Variants in ARL1 observed in about 807,000 individuals in gnomAD.
ARL1 encodes the protein ADP-ribosylation factor-like protein 1.
Under a neutral mutation model 30.1 loss-of-function variants are expected in ARL1, and 17 were observed. That is an observed-to-expected ratio of 0.56 (90% CI 0.39 to 0.85). The LOEUF (loss-of-function observed/expected upper bound fraction) is 0.85. Among genes scored for constraint, ARL1 ranks in the 40% least tolerant of loss-of-function variants. The pLI is 0.00. For missense variants in ARL1, 102 were observed against 212.6 expected (o/e 0.48, Z 3.24); for synonymous variants, 58 against 71.7 (o/e 0.81, Z 0.97).
Position 101,405,831 on chromosome 12 carries a change from T to C in ARL1, c.142+13A>G. ...GAAAGTCCCTACAATTAGCTCATCA[T>C]ACCAACACTTACTAGGTATAGTAGT... is the stretch of plus-strand genomic sequence containing the variant. On this transcript the variant is annotated intron_variant, in intron 2 of 5. Coordinates refer to ENST00000261636, the MANE Select transcript of ARL1 (RefSeq NM_001177.6). 1 of 1,545,324 alleles carries C rather than the reference T, an allele frequency of 6.5e-7. No homozygotes were observed. The highest frequency in any genetic ancestry group is 1.2e-5 in the South Asian group (1 of 80,426).
Position 101,402,963 on chromosome 12 carries a change from A to C in ARL1, c.143-17T>G. ...ATCCAATGGCTGGAAGAGAAATCAA[A>C]TCAGTGGTATGTGTAGACTAATACA... On this transcript the variant is annotated splice_polypyrimidine_tract_variant and intron_variant, in intron 2 of 5. Coordinates refer to ENST00000261636, the MANE Select transcript of ARL1 (RefSeq NM_001177.6). The C allele has an allele frequency of 6.3e-7, 1 of 1,589,522 alleles. No homozygotes were observed. Among genetic ancestry groups the C allele is most frequent in the Non-Finnish European group, 8.6e-7 (1 of 1,158,280 alleles).
In ARL1 at chr12:101,401,065, C is replaced by T; in HGVS notation, c.333G>A (p.Leu111=). The T allele has an allele frequency of 6.2e-7, 1 of 1,610,312 alleles. No homozygotes were observed. The highest frequency in any genetic ancestry group is 8.5e-7 in the Non-Finnish European group (1 of 1,176,672). The change falls in exon 4 of 6, where the codon TTG becomes TTA. Residue 111 remains leucine (L), a synonymous_variant. Transcript: ENST00000261636. The part of the protein sequence containing the change: ...GISKSELVAM[L]EEEELRKAIL... ...TAAAGTGGTTACGTTTTCTTACCTC[C>T]AACATGGCAACTAACTCTGATTTGG...
At chr12:101,397,458 C>T (rs952652055) in intron 4 of ARL1, among the ~76,000 whole-genome samples, 3 of 151,704 alleles carry the variant, frequency 2.0e-5, no homozygotes, top group African/African-American at 7.3e-5. Flanking sequence ...GGTTGTGCCA[C>T]TGCACTCCAG....
At chr12:101,406,839 G>A (rs758597176) in intron 1 of ARL1, among the ~76,000 whole-genome samples, 1 of 152,156 alleles carries the variant, frequency 6.6e-6, no homozygotes, top group Non-Finnish European at 1.5e-5. Flanking sequence ...AACTGAAGGC[G>A]GTTATGGAAG....
intron 2 of ARL1, 126 bp downstream of exon 2, chr12:101,405,718 C>T (rs1871421745): frequency 9.5e-7 from 1 of 1,048,736 alleles, no homozygotes; most frequent in Non-Finnish European, 1.3e-6. Context: ...GAGTCTAAGA[C>T]CAGCTTGGAC....
chr12:101,402,255 T>C (rs1046798142), intron 3 of ARL1, among the ~76,000 whole-genome samples: 1 of 152,208 alleles, frequency 6.6e-6, no homozygotes, highest in African/African-American at 2.4e-5. Context: ...CGATCTCAGC[T>C]CACTGCAACC....
Position 101,406,358 on chromosome 12 carries a change from C to T in ARL1, c.5-377G>A, listed in dbSNP as rs75655218. Among the ~76,000 whole-genome samples, 141 of 152,234 alleles carry T rather than the reference C, an allele frequency of 9.3e-4. 2 individuals carry two copies. The East Asian group carries it at 0.022, about 24-fold the overall frequency. On this transcript the variant is annotated intron_variant, in intron 1 of 5. Transcript: ENST00000261636. ...AGGAGGATAGTGGGACAATGTAATC[C>T]TCGCACAGGAAAAGTACTGTACAGC...
intron 4 of ARL1, among the ~76,000 whole-genome samples, chr12:101,399,627 T>C (rs1206598309): frequency 6.6e-6 from 1 of 151,956 alleles, no homozygotes; most frequent in Non-Finnish European, 1.5e-5. Flanking sequence ...CATCCCTTGA[T>C]TAAACAATTC....
intron 2 of ARL1, 91 bp from the exon 3 acceptor site, chr12:101,403,037 A>G (rs367597269): frequency 1.5e-6 from 1 of 686,772 alleles, no homozygotes. Context: ...AATTAATGGT[A>G]ACTGTTATTA....
At chr12:101,406,044 T>C in intron 1 of ARL1, 63 bp from the exon 2 acceptor site, 1 of 1,329,176 alleles carries the variant, frequency 7.5e-7, no homozygotes, top group Non-Finnish European at 1.0e-6. Flanking sequence ...ATACAAAACA[T>C]CTAACCTTGT....
intron 2 of ARL1, 117 bp from the exon 3 acceptor site, chr12:101,403,063 A>G (rs1175575416): frequency 1.9e-6 from 1 of 514,668 alleles, no homozygotes; most frequent in Non-Finnish European, 3.4e-6. Context: ...TAAAATATAT[A>G]TATATATAAT....
intron 2 of ARL1, among the ~76,000 whole-genome samples, chr12:101,403,885 G>A (rs751913376): frequency 1.1e-4 from 17 of 152,110 alleles, no homozygotes; most frequent in Non-Finnish European, 2.4e-4. Context: ...GCTTGAACCT[G>A]GGAGGCACAG....
At chr12:101,405,281 T>A (rs572911117) in intron 2 of ARL1, among the ~76,000 whole-genome samples, 7 of 152,310 alleles carry the variant, frequency 4.6e-5, no homozygotes, top group African/African-American at 1.4e-4. Flanking sequence ...TTAATTAAAA[T>A]AGTAACAAAT....
In ARL1 at chr12:101,407,762, G is replaced by T; in HGVS notation, c.-117C>A. On this transcript the variant is annotated 5_prime_UTR_variant, in exon 1 of 6. Coordinates refer to ENST00000261636, the MANE Select transcript of ARL1 (RefSeq NM_001177.6). ...CAGCAACTTCCACGTCGGACTCCAG[G>T]CGGGGGCGGGAGCGAGGGTCAGCTG... 1 of 1,482,494 alleles carries T rather than the reference G, an allele frequency of 6.7e-7. No individual in the cohort carries two copies. Among genetic ancestry groups the T allele is most frequent in the Non-Finnish European group, 9.3e-7 (1 of 1,071,222 alleles). 91.8% of individuals were successfully genotyped at this position (1,482,494 alleles called of 1,614,324 possible).
At chr12:101,405,487 C>T (rs548438979) in intron 2 of ARL1, among the ~76,000 whole-genome samples, 1 of 152,214 alleles carries the variant, frequency 6.6e-6, no homozygotes, top group Non-Finnish European at 1.5e-5. Context: ...AACAGCCCAA[C>T]CCGGCCGTAA....
intron 3 of ARL1, among the ~76,000 whole-genome samples, chr12:101,402,123 A>C (rs1871321899): frequency 6.6e-6 from 1 of 152,218 alleles, no homozygotes; most frequent in Non-Finnish European, 1.5e-5. Context: ...CACTGTTGCC[A>C]TGTCAAGCCC....
chr12:101,394,195 TG>T lies in ARL1; in HGVS notation c.*1444del, dbSNP rs1328781702. On this transcript the variant is annotated 3_prime_UTR_variant, in exon 6 of 6. Transcript: ENST00000261636. ...TATAAGCCCGGAGAATGAACATAAA[TG>T]TGAGGGGAAGAGGCCAGAGGCCAAC... is the stretch of plus-strand genomic sequence containing the variant. 3 of 151,954 alleles carry T rather than the reference TG, an allele frequency of 2.0e-5. No homozygotes were observed. Among genetic ancestry groups the T allele is most frequent in the Non-Finnish European group, 4.4e-5 (3 of 67,994 alleles). 9.4% of individuals were successfully genotyped at this position (151,954 alleles called of 1,614,324 possible).
intron 4 of ARL1, chr12:101,400,312 GC>G (rs1871269494): frequency 6.6e-6 from 1 of 151,266 alleles, no homozygotes; most frequent in South Asian, 2.1e-4. Flanking sequence ...ACACTAGGAG[GC>G]CGAGGCAGGA....
chr12:101,395,737 A>C, intron 5 of ARL1, 67 bp from the exon 6 acceptor site: 2 of 1,198,932 alleles, frequency 1.7e-6, no homozygotes, highest in Admixed American at 2.0e-5. Flanking sequence ...CATCTATAAT[A>C]AACTTTGTAT....
Sources: allele counts gnomAD v4.1 joint callset (sites outside exome capture counted in the v4.1 genomes callset), GRCh38; gene constraint gnomAD v4.1.1; transcripts MANE v1.5; gene names NCBI Gene and HGNC (gene_info 2026-07-23, HGNC 2026-07-21).